The following SHTN1 variants were observed in gnomAD, a reference collection of about 807,000 sequenced individuals.
The protein encoded by SHTN1 is shootin-1.
A neutral mutation model predicts 83.1 loss-of-function variants in SHTN1; 42 were observed. The ratio of observed to expected loss-of-function variants is 0.51; its 90% confidence interval spans 0.39 to 0.65. The LOEUF is 0.65. SHTN1 is among the 30% of genes least tolerant of loss of function. The pLI, the probability that SHTN1 is intolerant of heterozygous loss-of-function variation, is 0.00. For synonymous variants in SHTN1, 224 were observed against 247.7 expected (o/e 0.90, Z 0.90); for missense variants, 622 against 737.8 (o/e 0.84, Z 1.82).
At chr10:116,957,009 A>C (rs973656963) in intron 4 of SHTN1, among the ~76,000 whole-genome samples, 1 of 151,952 alleles carries the variant, frequency 6.6e-6, no homozygotes, top group Non-Finnish European at 1.5e-5. Context: ...TCAAAGTCTC[A>C]AACTCCTGAG....
intron 2 of SHTN1, among the ~76,000 whole-genome samples, chr10:117,016,904 T>G (rs1490075358): frequency 6.6e-6 from 1 of 152,194 alleles, no homozygotes; most frequent in Non-Finnish European, 1.5e-5. Context: ...TATACATAAT[T>G]ATATCCTAGT....
intron 1 of SHTN1, among the ~76,000 whole-genome samples, chr10:117,053,427 C>T (rs543806422): frequency 6.6e-6 from 1 of 151,980 alleles, no homozygotes; most frequent in Non-Finnish European, 1.5e-5. Context: ...AAAAGACAAA[C>T]AACTCAATTT....
chr10:116,944,783 CG>C (rs1564889778), intron 8 of SHTN1, 140 bp downstream of exon 8: 1 of 635,674 alleles, frequency 1.6e-6, no homozygotes, highest in Non-Finnish European at 2.8e-6. Context: ...CCCAGCTACT[CG>C]GGGGGCTGAG....
chr10:116,924,176 T>C lies in SHTN1; in HGVS notation c.1113-2660A>G, dbSNP rs185784276. 3.7e-4 allele frequency among the ~76,000 whole-genome samples: 57 copies of C among 152,286 alleles called. 1 individual carries two copies. The East Asian group carries it at 7.5e-3, about 20-fold the overall frequency. The stretch of plus-strand genomic sequence containing the variant: ...ATTTTATTCTAGAAGTTATAAAGAA[T>C]AAAACAAACTTTACTTGCTCAATTT... On this transcript the variant is annotated intron_variant, in intron 11 of 16. Transcript: ENST00000355371.
chr10:117,005,010 C>T lies in SHTN1; in HGVS notation c.58+12G>A, dbSNP rs932973044. 6.3e-7 allele frequency: 1 copy of T among 1,587,728 alleles called. No individual in the cohort carries two copies. The highest frequency in any genetic ancestry group is 1.8e-5 in the Admixed American group (1 of 55,516). ...CGCGGCTGCCCACACCTGGCGCCCG[C>T]GTGCTGCCTACCTTGCTCCTTCAGA... On this transcript the variant is annotated intron_variant, in intron 1 of 16. Coordinates refer to ENST00000355371, the MANE Select transcript of SHTN1 (RefSeq NM_001127211.3).
intron 2 of SHTN1, among the ~76,000 whole-genome samples, chr10:117,030,752 C>A (rs1294750533): frequency 2.0e-5 from 3 of 151,658 alleles, no homozygotes; most frequent in African/African-American, 7.3e-5. Flanking sequence ...CAGAATTGAT[C>A]AAGCAGAAGA....
Position 116,940,492 on chromosome 10 carries a change from C to T in SHTN1, c.832G>A (p.Glu278Lys), listed in dbSNP as rs140386651. ...ENAKLTQQLE[E>K]ERIQHQQKVK... ...TTTTGTTGATGCTGAATTCTCTCTT[C>T]TTCAAGTTGCTGGGTGAGTTTTGCA... The change falls in exon 9 of 17, where the codon GAA (glutamate) becomes AAA (lysine). Residue 278 changes from glutamate (E) to lysine (K), a missense_variant. By Grantham distance (56) the Glu-to-Lys change is moderately conservative. Around this residue, in one of 3 missense-constraint regions of SHTN1, gnomAD observed 383 missense variants for 455.8 expected, o/e 0.84. Transcript: ENST00000355371. 1 of 1,613,872 alleles carries T rather than the reference C, an allele frequency of 6.2e-7. No homozygotes were observed.
chr10:116,916,464 G>T (rs550961258), intron 12 of SHTN1, among the ~76,000 whole-genome samples: 1 of 152,238 alleles, frequency 6.6e-6, no homozygotes, highest in East Asian at 1.9e-4. Context: ...CTGGCAATAT[G>T]GTGGGCACTC....
At chr10:117,002,806 T>C (rs1851869455) in intron 1 of SHTN1, among the ~76,000 whole-genome samples, 2 of 152,230 alleles carry the variant, frequency 1.3e-5, no homozygotes, top group Non-Finnish European at 2.9e-5. Flanking sequence ...CTAGACTCAC[T>C]ATCCCCAAAA....
chr10:117,031,662 G>A (rs1042965722), intron 2 of SHTN1, among the ~76,000 whole-genome samples: 1 of 152,024 alleles, frequency 6.6e-6, no homozygotes, highest in Non-Finnish European at 1.5e-5. Context: ...TGCAAACAGG[G>A]TTAAGTTGTT....
At chr10:117,064,922 C>T (rs560978785) in intron 1 of SHTN1, among the ~76,000 whole-genome samples, 2 of 152,294 alleles carry the variant, frequency 1.3e-5, no homozygotes, top group Non-Finnish European at 2.9e-5. Flanking sequence ...TTTCGGGAGG[C>T]TCTCTGATTC....
At chr10:117,019,220 C>T (rs1464901594) in intron 2 of SHTN1, among the ~76,000 whole-genome samples, 1 of 151,638 alleles carries the variant, frequency 6.6e-6, no homozygotes, top group African/African-American at 2.4e-5. Flanking sequence ...CTAGATCTCA[C>T]TCTGCCACCC....
chr10:116,889,221 G>T (rs1847258596), intron 16 of SHTN1, among the ~76,000 whole-genome samples: 1 of 152,192 alleles, frequency 6.6e-6, no homozygotes, highest in Non-Finnish European at 1.5e-5. Context: ...TCCAGGAAGT[G>T]CTCTCTGGGC....
intron 2 of SHTN1, among the ~76,000 whole-genome samples, chr10:117,016,856 TA>T (rs1351407111): frequency 1.3e-5 from 2 of 152,162 alleles, no homozygotes; most frequent in Admixed American, 6.5e-5. Flanking sequence ...AATAGGTACA[TA>T]CATAAAGGTA....
At chr10:117,058,174 T>G (rs1188453771) in intron 1 of SHTN1, among the ~76,000 whole-genome samples, 2 of 152,100 alleles carry the variant, frequency 1.3e-5, no homozygotes, top group Non-Finnish European at 2.9e-5. Flanking sequence ...AATAGACAAG[T>G]TGGACTCCAT....
intron 1 of SHTN1, among the ~76,000 whole-genome samples, chr10:117,125,978 C>T (rs1045090755): frequency 5.9e-5 from 9 of 152,204 alleles, no homozygotes; most frequent in Admixed American, 5.2e-4. Flanking sequence ...AAACAAAAAC[C>T]TGGCACTCCG....
intron 16 of SHTN1, among the ~76,000 whole-genome samples, chr10:116,887,639 C>A (rs969739353): frequency 6.6e-6 from 1 of 152,168 alleles, no homozygotes; most frequent in African/African-American, 2.4e-5. Context: ...AGGAGACACT[C>A]TTTTACCACC....
At chr10:117,041,738 G>A (rs1589908145) in intron 2 of SHTN1, among the ~76,000 whole-genome samples, 2 of 152,068 alleles carry the variant, frequency 1.3e-5, no homozygotes, top group South Asian at 2.1e-4. Context: ...AATATCTACC[G>A]CTAGCCCATC....
chr10:117,019,526 A>T (rs921528542), intron 2 of SHTN1, among the ~76,000 whole-genome samples: 1 of 152,174 alleles, frequency 6.6e-6, no homozygotes, highest in Non-Finnish European at 1.5e-5. Context: ...CAAAAATTGT[A>T]CAATATCTAT....
Sources: gnomAD v4.1 joint callset for allele counts (sites outside exome capture counted in the v4.1 genomes callset) on GRCh38, gnomAD v4.1.1 for gene constraint, gnomAD v4.1.1 regional missense constraint, MANE v1.5 for transcripts, NCBI Gene and HGNC (gene_info 2026-07-23, HGNC 2026-07-21) for gene names.